SLC44A1: variants seen among roughly 807,000 people sequenced by gnomAD.
SLC44A1 encodes the protein choline transporter-like protein 1.
A neutral mutation model predicts 79.3 loss-of-function variants in SLC44A1; 26 were observed. That is an observed-to-expected ratio of 0.33 (90% CI 0.24 to 0.46). The LOEUF (loss-of-function observed/expected upper bound fraction) is 0.46, where lower values mean the gene tolerates loss of function less well. Ranked by LOEUF, SLC44A1 falls within the 20% of genes least tolerant of loss-of-function variation. The pLI is 1.00. For missense variants in SLC44A1, 688 were observed against 798.1 expected (o/e 0.86, Z 1.66); for synonymous variants, 263 against 286.2 (o/e 0.92, Z 0.82).
At chr9:105,342,812 A>G (rs1225074289) in intron 4 of SLC44A1, among the ~76,000 whole-genome samples, 2 of 152,042 alleles carry the variant, frequency 1.3e-5, no homozygotes, top group Non-Finnish European at 2.9e-5. Context: ...TGATTTTTGC[A>G]CTTGCTATCT....
At chr9:105,307,719 A>C (rs1212304650) in intron 2 of SLC44A1, among the ~76,000 whole-genome samples, 1 of 152,114 alleles carries the variant, frequency 6.6e-6, no homozygotes, top group Non-Finnish European at 1.5e-5. Flanking sequence ...TCCAGTTTTT[A>C]CTCAGCACAG....
chr9:105,372,585 C>T (rs1828138395), intron 12 of SLC44A1, among the ~76,000 whole-genome samples: 1 of 151,974 alleles, frequency 6.6e-6, no homozygotes, highest in South Asian at 2.1e-4. Context: ...CCACCACACC[C>T]GTCTTCATAC....
intron 12 of SLC44A1, among the ~76,000 whole-genome samples, chr9:105,373,790 A>T (rs191167391): frequency 7.2e-4 from 110 of 152,308 alleles, no homozygotes; most frequent in African/African-American, 2.6e-3. Context: ...TAGCCATTCA[A>T]ACCCTCACAC....
intron 1 of SLC44A1, among the ~76,000 whole-genome samples, chr9:105,246,318 A>G (rs1218750870): frequency 6.6e-6 from 1 of 151,838 alleles, no homozygotes; most frequent in Non-Finnish European, 1.5e-5. Context: ...TTGCAGATGA[A>G]TGGGGGACAT....
At chr9:105,320,259 G>A (rs968472864) in intron 3 of SLC44A1, among the ~76,000 whole-genome samples, 2 of 138,384 alleles carry the variant, frequency 1.4e-5, no homozygotes, top group Non-Finnish European at 3.2e-5. Context: ...TGTTCACTAG[G>A]TTTTTTGCCA....
rs1363097704 is a variant in SLC44A1 at position 105,254,753 on chromosome 9, A to G, written c.36+9849A>G. Among the ~76,000 whole-genome samples the G allele has an allele frequency of 2.6e-5, 4 of 152,232 alleles. No individual in the cohort carries two copies. The East Asian group carries it at 7.7e-4, about 29-fold the overall frequency. ...ATCTTTCCCATTCTGAGCTAAGGACAGCTTCAGATGAAGAAGAGCATTTGA... is the reference window on the plus strand; with the variant it reads ...ATCTTTCCCATTCTGAGCTAAGGACGGCTTCAGATGAAGAAGAGCATTTGA... On this transcript the variant is annotated intron_variant, in intron 1 of 15. Coordinates refer to ENST00000374720, the MANE Select transcript of SLC44A1 (RefSeq NM_080546.5).
chr9:105,438,211 A>C, intron 15 of SLC44A1: 1 of 1,320,674 alleles, frequency 7.6e-7, no homozygotes, highest in South Asian at 1.3e-5. Flanking sequence ...ATTTCTAGTT[A>C]TTGATTACTT....
rs550122155 is a variant in SLC44A1 at position 105,417,557 on chromosome 9, G to T, written c.1951-20724G>T. Among the ~76,000 whole-genome samples, 3 of 152,198 alleles carry T rather than the reference G, an allele frequency of 2.0e-5. No homozygotes were observed. The South Asian group carries it at 6.2e-4, about 32-fold the overall frequency. ...TCCTTAACTTCTCTTTCTTTACCTG[G>T]CAAAAGGAGCTAATAATGCCTTCTC... On this transcript the variant is annotated intron_variant, in intron 15 of 15. Transcript: ENST00000374724.
intron 12 of SLC44A1, among the ~76,000 whole-genome samples, chr9:105,368,588 A>G (rs1325574608): frequency 5.3e-5 from 8 of 152,178 alleles, no homozygotes; most frequent in Non-Finnish European, 1.0e-4. Flanking sequence ...CCAGTATATC[A>G]CACTGCTGCC....
intron 5 of SLC44A1, among the ~76,000 whole-genome samples, chr9:105,349,515 T>C (rs187535792): frequency 4.3e-4 from 66 of 152,298 alleles, no homozygotes; most frequent in African/African-American, 1.6e-3. Context: ...TTAAAGCCTG[T>C]AGACATAAAA....
intron 1 of SLC44A1, among the ~76,000 whole-genome samples, chr9:105,270,287 G>A (rs1830049160): frequency 6.6e-6 from 1 of 151,988 alleles, no homozygotes; most frequent in African/African-American, 2.4e-5. Context: ...CTTTCTTTAC[G>A]TAATCATATC....
chr9:105,375,716 C>A (rs913586957), intron 13 of SLC44A1, among the ~76,000 whole-genome samples: 4 of 151,950 alleles, frequency 2.6e-5, no homozygotes, highest in African/African-American at 4.8e-5. Flanking sequence ...TTAGAAGTGT[C>A]GAACAAGAGG....
chr9:105,402,480 C>A (rs1231987890), intron 15 of SLC44A1, among the ~76,000 whole-genome samples: 2 of 152,162 alleles, frequency 1.3e-5, no homozygotes, highest in African/African-American at 2.4e-5. Context: ...TTCTCTACTT[C>A]ATTGAATATT....
At chr9:105,405,167 A>G (rs1829012524) in intron 15 of SLC44A1, among the ~76,000 whole-genome samples, 2 of 152,038 alleles carry the variant, frequency 1.3e-5, no homozygotes, top group South Asian at 4.2e-4. Context: ...TAAAAATACA[A>G]AAAATTAGCT....
At chr9:105,398,331 C>G (rs192084556), downstream of SLC44A1, among the ~76,000 whole-genome samples, 13 of 152,278 alleles carry the variant, frequency 8.5e-5, 1 homozygote, top group East Asian at 2.3e-3. Context: ...GATGATAGTC[C>G]TGGTTGTTTA....
At chr9:105,305,155 A>G (rs1203103041) in intron 2 of SLC44A1, among the ~76,000 whole-genome samples, 1 of 150,748 alleles carries the variant, frequency 6.6e-6, no homozygotes, top group Non-Finnish European at 1.5e-5. Flanking sequence ...ATTTTTGTAG[A>G]GACAGGGTCT....
At chr9:105,301,099 T>G (rs933157691) in intron 2 of SLC44A1, among the ~76,000 whole-genome samples, 10 of 152,176 alleles carry the variant, frequency 6.6e-5, no homozygotes, top group African/African-American at 2.2e-4. Flanking sequence ...ACAGAATTAG[T>G]CCACAGCCTT....
chr9:105,409,680 A>G (rs933301210), intron 15 of SLC44A1, among the ~76,000 whole-genome samples: 2 of 152,222 alleles, frequency 1.3e-5, no homozygotes, highest in African/African-American at 2.4e-5. Context: ...ATAAAAAATA[A>G]GCATATGTGC....
intron 4 of SLC44A1, among the ~76,000 whole-genome samples, chr9:105,343,787 A>G (rs1157689105): frequency 6.6e-6 from 1 of 152,230 alleles, no homozygotes; most frequent in Non-Finnish European, 1.5e-5. Context: ...AGTTTGCAGT[A>G]TAGTTGAGTC....
Sources: gnomAD v4.1 joint callset for allele counts (sites outside exome capture counted in the v4.1 genomes callset) on GRCh38, gnomAD v4.1.1 for gene constraint, MANE v1.5 for transcripts, NCBI Gene and HGNC (gene_info 2026-07-23, HGNC 2026-07-21) for gene names.